Variants in ARK2N observed in about 807,000 individuals in gnomAD.
ARK2N encodes the protein arkadia (RNF111) N-terminal like PKA signaling regulator 2N.
the ARK2N span, among the ~76,000 whole-genome samples, chr18:46,256,557 A>G: frequency 6.6e-6 from 1 of 152,222 alleles, no homozygotes; most frequent in African/African-American, 2.4e-5. Flanking sequence ...CTTTGTCTAC[A>G]TTTTAAATAA....
chr18:46,201,134 A>G, the ARK2N span, among the ~76,000 whole-genome samples: 4 of 151,910 alleles, frequency 2.6e-5, no homozygotes, highest in African/African-American at 9.7e-5. Flanking sequence ...GCATGCCACC[A>G]TGTCCTGCTA....
At chr18:46,236,328 A>G in the ARK2N span, among the ~76,000 whole-genome samples, 1 of 152,066 alleles carries the variant, frequency 6.6e-6, no homozygotes, top group African/African-American at 2.4e-5. Context: ...TGGGTTTTTG[A>G]CCTTTAACTT....
the ARK2N span, among the ~76,000 whole-genome samples, chr18:46,246,463 G>A: frequency 2.0e-5 from 3 of 152,122 alleles, no homozygotes; most frequent in Non-Finnish European, 2.9e-5. Flanking sequence ...CCTTGGTGTG[G>A]GTCCTAGCTG....
chr18:46,173,652 C>T, the ARK2N span: 1 of 152,392 alleles, frequency 6.6e-6, no homozygotes, highest in African/African-American at 2.4e-5. Flanking sequence ...ACGGGCTCTC[C>T]GCTGGAGCGA....
the ARK2N span, among the ~76,000 whole-genome samples, chr18:46,176,828 G>A: frequency 6.6e-6 from 1 of 152,100 alleles, no homozygotes; most frequent in Non-Finnish European, 1.5e-5. Context: ...TGTTGGTCAG[G>A]CTGGTCTCGA....
chr18:46,252,484 C>T, the ARK2N span, among the ~76,000 whole-genome samples: 5 of 152,126 alleles, frequency 3.3e-5, 1 homozygote, highest in South Asian at 6.2e-4. Context: ...CCATGTTGGC[C>T]AGGATGGTCT....
the ARK2N span, among the ~76,000 whole-genome samples, chr18:46,178,465 G>T: frequency 5.3e-5 from 8 of 152,020 alleles, no homozygotes; most frequent in Non-Finnish European, 1.2e-4. Flanking sequence ...GGCATGTGCC[G>T]TCATGCCAGG....
At chr18:46,226,305 A>G in the ARK2N span, among the ~76,000 whole-genome samples, 1 of 152,228 alleles carries the variant, frequency 6.6e-6, no homozygotes, top group Non-Finnish European at 1.5e-5. Flanking sequence ...AGTATTTTTC[A>G]TTGATATGGA....
the ARK2N span, chr18:46,262,873 T>G: frequency 6.4e-7 from 1 of 1,552,644 alleles, no homozygotes; most frequent in African/African-American, 1.4e-5. Context: ...TCATATTGTC[T>G]TCTGTTTTTC....
chr18:46,266,722 C>T, the ARK2N span: 1 of 152,630 alleles, frequency 6.6e-6, no homozygotes, highest in African/African-American at 2.4e-5. Flanking sequence ...TGAGCGTGGA[C>T]TTGATGCAGT....
At chr18:46,187,073 C>G in the ARK2N span, among the ~76,000 whole-genome samples, 1 of 147,186 alleles carries the variant, frequency 6.8e-6, no homozygotes, top group Non-Finnish European at 1.5e-5. Flanking sequence ...AGACTGGTCT[C>G]GAACTCCAGA....
the ARK2N span, among the ~76,000 whole-genome samples, chr18:46,245,520 G>A: frequency 3.4e-5 from 5 of 148,334 alleles, no homozygotes; most frequent in Admixed American, 1.4e-4. Flanking sequence ...GCAGTGAGCC[G>A]AGATTGCACC....
the ARK2N span, among the ~76,000 whole-genome samples, chr18:46,245,431 C>T: frequency 1.3e-5 from 2 of 151,678 alleles, no homozygotes; most frequent in African/African-American, 2.4e-5. Flanking sequence ...TAGCTGGGCA[C>T]GGTGGCGTGG....
the ARK2N span, among the ~76,000 whole-genome samples, chr18:46,246,134 T>C: frequency 6.6e-6 from 1 of 152,232 alleles, no homozygotes; most frequent in Non-Finnish European, 1.5e-5. Context: ...AAAAGATTAC[T>C]ACCACTGACA....
chr18:46,215,808 C>T, the ARK2N span: 8 of 1,373,282 alleles, frequency 5.8e-6, no homozygotes, highest in Non-Finnish European at 7.0e-6. Context: ...TGTTTTTGTA[C>T]AGGTTGCTTT....
the ARK2N span, among the ~76,000 whole-genome samples, chr18:46,201,918 C>CTGT: frequency 6.6e-6 from 1 of 151,986 alleles, no homozygotes; most frequent in Non-Finnish European, 1.5e-5. Flanking sequence ...GCTGGGATTA[C>CTGT]AGGCGGGCGC....
chr18:46,174,835 C>G, the ARK2N span, among the ~76,000 whole-genome samples: 1 of 152,190 alleles, frequency 6.6e-6, no homozygotes, highest in South Asian at 2.1e-4. Context: ...ACACCTGCCC[C>G]TGCAGCGGAG....
At chr18:46,200,400 C>T in the ARK2N span, among the ~76,000 whole-genome samples, 3 of 152,008 alleles carry the variant, frequency 2.0e-5, no homozygotes, top group South Asian at 2.1e-4. Context: ...CTCTGCCTTC[C>T]GGGTTCAAGC....
chr18:46,220,174 A>G, the ARK2N span, among the ~76,000 whole-genome samples: 1 of 152,218 alleles, frequency 6.6e-6, no homozygotes, highest in South Asian at 2.1e-4. Context: ...CGTGGCAGGT[A>G]AGAGTCGGTT....
Sources: gnomAD v4.1 joint callset for allele counts (sites outside exome capture counted in the v4.1 genomes callset) on GRCh38, gnomAD v4.1.1 for gene constraint, MANE v1.5 for transcripts, NCBI Gene and HGNC (gene_info 2026-07-23, HGNC 2026-07-21) for gene names.